Variants in PDE4D observed in about 807,000 individuals in gnomAD.
PDE4D encodes 3',5'-cyclic-AMP phosphodiesterase 4D.
PDE4D carries 24 observed loss-of-function variants against 87.4 expected under a neutral mutation model. The observed-to-expected ratio is 0.27, with a 90% confidence interval of 0.20 to 0.39. The LOEUF is 0.39. PDE4D is among the 10% of genes least tolerant of loss of function. PDE4D has a pLI of 1.00. For synonymous variants in PDE4D, 384 were observed against 383.2 expected (o/e 1.00, Z -0.02); for missense variants, 714 against 1,041.0 (o/e 0.69, Z 4.32).
intron 6 of PDE4D, among the ~76,000 whole-genome samples, chr5:59,013,339 C>CA (rs1333242761): frequency 2.6e-5 from 4 of 151,870 alleles, no homozygotes; most frequent in Non-Finnish European, 4.4e-5. Context: ...AAAAAACCTT[C>CA]AAAAAAATCA....
intron 1 of PDE4D, among the ~76,000 whole-genome samples, chr5:59,325,493 G>C (rs920537023): frequency 6.6e-6 from 1 of 152,130 alleles, no homozygotes; most frequent in African/African-American, 2.4e-5. Context: ...GTATTAAACA[G>C]TGACACCTTT....
chr5:59,955,101 CAAGTATTTAAT>C (rs1561906267), intron 3 of PDE4D, among the ~76,000 whole-genome samples: 1 of 151,982 alleles, frequency 6.6e-6, no homozygotes, highest in Admixed American at 6.5e-5. Flanking sequence ...GTAATCAATG[CAAGTATTTAAT>C]AAGTAAAAGA....
chr5:60,337,388 T>TATACACACACAC (rs66871903), intron 1 of PDE4D, among the ~76,000 whole-genome samples: 11 of 89,464 alleles, frequency 1.2e-4, no homozygotes, highest in East Asian at 1.1e-3. Context: ...TATATATATA[T>TATACACACACAC]ACACACACAC....
At chr5:59,987,815 T>C (rs1406649613) in intron 3 of PDE4D, 1 of 152,308 alleles carries the variant, frequency 6.6e-6, no homozygotes, top group East Asian at 1.9e-4. Context: ...CTGGTGACAT[T>C]GCTTTAAAGT....
intron 1 of PDE4D, among the ~76,000 whole-genome samples, chr5:60,474,105 C>CATATATATATATGTAT (rs1491252291): frequency 6.5e-5 from 2 of 30,982 alleles, no homozygotes; most frequent in Non-Finnish European, 1.5e-4. Flanking sequence ...TTTGAGCTGC[C>CATATATATATATGTAT]ATATATATAT....
intron 1 of PDE4D, among the ~76,000 whole-genome samples, chr5:59,345,313 A>C (rs1030011688): frequency 1.3e-5 from 2 of 152,162 alleles, no homozygotes; most frequent in African/African-American, 4.8e-5. Context: ...TGAGCACGGG[A>C]TATATAGCAA....
intron 1 of PDE4D, among the ~76,000 whole-genome samples, chr5:59,887,268 G>A (rs780069089): frequency 1.8e-4 from 27 of 152,144 alleles, no homozygotes; most frequent in South Asian, 4.1e-4. Context: ...TGGGGCAATG[G>A]TGGTATGTGT....
intron 2 of PDE4D, among the ~76,000 whole-genome samples, chr5:60,049,910 GGCT>G (rs1206151116): frequency 6.6e-6 from 1 of 152,232 alleles, no homozygotes; most frequent in African/African-American, 2.4e-5. Context: ...TGAGCTTCCT[GGCT>G]GCTTTGTTTA....
chr5:60,188,574 C>T (rs75549217), intron 1 of PDE4D, among the ~76,000 whole-genome samples: 3,409 of 152,080 alleles, frequency 0.022, 51 homozygotes, highest in Non-Finnish European at 0.032. Context: ...TCAAAGCCCC[C>T]CAAGGTAGGG....
At chr5:60,105,390 T>A (rs1157689042) in intron 2 of PDE4D, among the ~76,000 whole-genome samples, 1 of 152,112 alleles carries the variant, frequency 6.6e-6, no homozygotes, top group African/African-American at 2.4e-5. Flanking sequence ...GTCGGATTGG[T>A]GTACCTCAAA....
At chr5:59,583,773 C>T (rs1323302996) in intron 1 of PDE4D, among the ~76,000 whole-genome samples, 1 of 152,214 alleles carries the variant, frequency 6.6e-6, no homozygotes, top group Non-Finnish European at 1.5e-5. Flanking sequence ...GCTTCTATTT[C>T]AATTACTACT....
intron 2 of PDE4D, among the ~76,000 whole-genome samples, chr5:60,093,909 T>C (rs1775399061): frequency 6.6e-6 from 1 of 152,172 alleles, no homozygotes; most frequent in Non-Finnish European, 1.5e-5. Flanking sequence ...ATACCAACAA[T>C]TATCTATGGA....
At chr5:60,293,000 A>G (rs572682462) in intron 1 of PDE4D, among the ~76,000 whole-genome samples, 22 of 151,012 alleles carry the variant, frequency 1.5e-4, no homozygotes, top group Admixed American at 3.3e-4. Flanking sequence ...TATTTTCAAG[A>G]GTGTAAATTC....
chr5:60,318,071 A>T (rs1755811377), intron 1 of PDE4D, among the ~76,000 whole-genome samples: 1 of 152,036 alleles, frequency 6.6e-6, no homozygotes, highest in Admixed American at 6.5e-5. Flanking sequence ...TGATCTGTCT[A>T]ATGTTGACAG....
chr5:59,356,507 T>C (rs1283221243), intron 1 of PDE4D, among the ~76,000 whole-genome samples: 1 of 152,222 alleles, frequency 6.6e-6, no homozygotes, highest in African/African-American at 2.4e-5. Flanking sequence ...GGCAGTAATA[T>C]GAATGCTTTG....
At chr5:60,216,653 T>C (rs1743879164) in intron 1 of PDE4D, among the ~76,000 whole-genome samples, 1 of 152,000 alleles carries the variant, frequency 6.6e-6, no homozygotes, top group African/African-American at 2.4e-5. Flanking sequence ...TATGCTAATA[T>C]AAGACAAAAT....
At chr5:59,740,969 A>G (rs1164462475) in intron 1 of PDE4D, among the ~76,000 whole-genome samples, 1 of 152,190 alleles carries the variant, frequency 6.6e-6, no homozygotes, top group East Asian at 1.9e-4. Flanking sequence ...CAATATGGAA[A>G]ATGGTTTAGT....
intron 3 of PDE4D, among the ~76,000 whole-genome samples, chr5:59,908,945 A>T (rs1295621209): frequency 6.6e-6 from 1 of 152,134 alleles, no homozygotes; most frequent in African/African-American, 2.4e-5. Context: ...CCATCATTTG[A>T]TCTTATATTT....
intron 2 of PDE4D, among the ~76,000 whole-genome samples, chr5:60,143,864 A>T (rs1780772940): frequency 6.6e-6 from 1 of 152,148 alleles, no homozygotes; most frequent in East Asian, 1.9e-4. Context: ...TAAATATGAT[A>T]AAAGTTATAT....
Sources: allele counts gnomAD v4.1 joint callset (sites outside exome capture counted in the v4.1 genomes callset), GRCh38; gene constraint gnomAD v4.1.1; transcripts MANE v1.5; gene names NCBI Gene and HGNC (gene_info 2026-07-23, HGNC 2026-07-21).